The following KIF26B variants were observed in gnomAD, a reference collection of about 807,000 sequenced individuals.
KIF26B encodes kinesin-like protein KIF26B.
Under a neutral mutation model 151.2 loss-of-function variants are expected in KIF26B, and 63 were observed. That is an observed-to-expected ratio of 0.42 (90% CI 0.34 to 0.51). The LOEUF (loss-of-function observed/expected upper bound fraction) is 0.51, where lower values mean the gene tolerates loss of function less well. Ranked by LOEUF, KIF26B falls within the 20% of genes least tolerant of loss-of-function variation. The pLI is 0.07. For synonymous variants in KIF26B, 1,357 were observed against 1,262.1 expected (o/e 1.08, Z -1.59); for missense variants, 2,813 against 2,913.6 (o/e 0.97, Z 0.79).
intron 10 of KIF26B, among the ~76,000 whole-genome samples, chr1:245,651,384 A>T (rs2044013813): frequency 6.6e-6 from 1 of 152,230 alleles, no homozygotes; most frequent in African/African-American, 2.4e-5. Flanking sequence ...CACTTGTGGC[A>T]GCAGGCCCAG....
chr1:245,699,304 T>C (rs979047370), intron 14 of KIF26B, among the ~76,000 whole-genome samples: 1 of 152,110 alleles, frequency 6.6e-6, no homozygotes, highest in Non-Finnish European at 1.5e-5. Flanking sequence ...AAATGAGATT[T>C]TTCCCCCTGC....
chr1:245,489,013 TCC>T (rs1660341201), intron 4 of KIF26B, among the ~76,000 whole-genome samples: 1 of 152,218 alleles, frequency 6.6e-6, no homozygotes, highest in Non-Finnish European at 1.5e-5. Context: ...TACTCTAGAA[TCC>T]CTTACAGTGG....
At chr1:245,351,209 C>G (rs74153547) in intron 2 of KIF26B, among the ~76,000 whole-genome samples, 18,057 of 152,198 alleles carry the variant, frequency 0.12, 2,772 homozygotes, top group African/African-American at 0.34. Flanking sequence ...TTCATACTTT[C>G]ATCTTTGCCT....
intron 2 of KIF26B, among the ~76,000 whole-genome samples, chr1:245,184,975 A>G (rs753531725): frequency 6.6e-6 from 1 of 152,188 alleles, no homozygotes; most frequent in Non-Finnish European, 1.5e-5. Flanking sequence ...AGCCCAGTAC[A>G]ATGGGAGATC....
intron 5 of KIF26B, among the ~76,000 whole-genome samples, chr1:245,590,607 T>A (rs1301420828): frequency 6.6e-6 from 1 of 152,128 alleles, no homozygotes; most frequent in Non-Finnish European, 1.5e-5. Context: ...AACCCGCGTC[T>A]ATAAAAACTG....
intron 2 of KIF26B, among the ~76,000 whole-genome samples, chr1:245,212,764 A>G (rs1428022197): frequency 6.6e-6 from 1 of 152,230 alleles, no homozygotes; most frequent in African/African-American, 2.4e-5. Flanking sequence ...GAACCGCCCC[A>G]CTTTACCATT....
chr1:245,222,938 A>G (rs1669803830), intron 2 of KIF26B, among the ~76,000 whole-genome samples: 1 of 152,228 alleles, frequency 6.6e-6, no homozygotes, highest in Non-Finnish European at 1.5e-5. Context: ...CTGTATGCCC[A>G]TCATCTTGTT....
chr1:245,549,212 A>C (rs909757068), intron 5 of KIF26B, among the ~76,000 whole-genome samples: 14 of 152,308 alleles, frequency 9.2e-5, no homozygotes, highest in African/African-American at 2.9e-4. Context: ...CTTTATCATA[A>C]TTGGTGGACA....
chr1:245,226,445 G>T (rs1044557634), intron 2 of KIF26B, among the ~76,000 whole-genome samples: 1 of 151,946 alleles, frequency 6.6e-6, no homozygotes, highest in Admixed American at 6.6e-5. Flanking sequence ...GTATTCTTGT[G>T]GAGGGTGCAC....
At chr1:245,438,103 A>G (rs773623830) in intron 4 of KIF26B, among the ~76,000 whole-genome samples, 7 of 152,250 alleles carry the variant, frequency 4.6e-5, no homozygotes, top group Non-Finnish European at 1.0e-4. Flanking sequence ...GTTCTGAGCC[A>G]TAAATCCTTT....
chr1:245,688,465 G>T lies in KIF26B; in HGVS notation c.5482G>T (p.Glu1828Ter). ...ARGLQLRAGP[E>*]AEARGGALAE... ...GGGCTTGCAGCTGCGGGCCGGGCCC[G>T]AGGCGGAGGCGCGCGGGGGGGCCCT... Residue 1828 changes from glutamate to a stop codon, truncating the protein, a stop_gained, in exon 12 of 15, where the codon GAG becomes TAG. Transcript: ENST00000407071. LOFTEE classifies it high-confidence loss of function. 7.3e-7 allele frequency: 1 copy of T among 1,370,860 alleles called. No homozygotes were observed. Among genetic ancestry groups the T allele is most frequent in the Non-Finnish European group, 9.3e-7 (1 of 1,073,518 alleles). The allele number at this position is 1,370,860 out of a possible 1,614,324, so 84.9% of individuals were successfully genotyped here.
At chr1:245,407,370 C>A in intron 3 of KIF26B, among the ~76,000 whole-genome samples, 1 of 152,188 alleles carries the variant, frequency 6.6e-6, no homozygotes, top group East Asian at 1.9e-4. Context: ...CTCAAACTGA[C>A]TGAGATGAAC....
rs146056172 is a variant in KIF26B, at chr1:245,607,777, G to A, written c.1651+33G>A. 709 of 1,537,312 alleles carry A rather than the reference G, an allele frequency of 4.6e-4. 4 individuals carry two copies. In the African/African-American group the frequency reaches 8.1e-3, roughly 18 times the overall value. On this transcript the variant is annotated intron_variant, in intron 7 of 14. Transcript: ENST00000407071. Reference sequence around the variant, plus strand: ...AGAGTTTCACTTTCTCATGCGGCTCGTTGAGCTCCCTGTCATCCCATGCAT... The same window carrying A: ...AGAGTTTCACTTTCTCATGCGGCTCATTGAGCTCCCTGTCATCCCATGCAT...
In KIF26B at chr1:245,241,470, A is replaced by T. The variant is rs1230338649; in HGVS notation, c.465+84787A>T. 1.3e-5 allele frequency among the ~76,000 whole-genome samples: 2 copies of T among 152,192 alleles called. No homozygotes were observed. The highest frequency in any genetic ancestry group is 4.8e-5 in the African/African-American group (2 of 41,450). ...CAGCTGGCACTGCTGTGTTCAGAGCATGGGAGGAAGCAGCAGCAGCAGAAT... is the reference window on the plus strand; with the variant it reads ...CAGCTGGCACTGCTGTGTTCAGAGCTTGGGAGGAAGCAGCAGCAGCAGAAT... On this transcript the variant is annotated intron_variant, in intron 2 of 14. Coordinates refer to ENST00000407071, the MANE Select transcript of KIF26B (RefSeq NM_018012.4). This position sits in a 1 kb window ranked among gnomAD's most constrained non-coding sequence, Gnocchi z 5.0.
intron 2 of KIF26B, among the ~76,000 whole-genome samples, chr1:245,329,701 T>A (rs1466893730): frequency 6.6e-6 from 1 of 152,214 alleles, no homozygotes; most frequent in Non-Finnish European, 1.5e-5. Flanking sequence ...CATGTGTACC[T>A]TGAAGGTTTG....
chr1:245,577,499 G>A (rs929128853), intron 5 of KIF26B, among the ~76,000 whole-genome samples: 1 of 152,238 alleles, frequency 6.6e-6, no homozygotes, highest in Non-Finnish European at 1.5e-5. Flanking sequence ...AGACAAAAGA[G>A]CCAACAGCAT....
At chr1:245,665,231 G>A (rs1035346186) in intron 10 of KIF26B, among the ~76,000 whole-genome samples, 1 of 152,172 alleles carries the variant, frequency 6.6e-6, no homozygotes, top group African/African-American at 2.4e-5. Flanking sequence ...GGCTTCAGAG[G>A]CTGAGCTTTT....
chr1:245,267,634 GCACA>G (rs66498609), intron 2 of KIF26B, among the ~76,000 whole-genome samples: 3,357 of 136,202 alleles, frequency 0.025, 47 homozygotes, highest in East Asian at 0.054. Context: ...GCTAAGTAAT[GCACA>G]CACACACACA....
intron 2 of KIF26B, among the ~76,000 whole-genome samples, chr1:245,343,424 C>T (rs1672376988): frequency 6.6e-6 from 1 of 151,942 alleles, no homozygotes; most frequent in South Asian, 2.1e-4. Context: ...TCTGCCTCTG[C>T]TCTGCCAGGG....
Sources: allele counts gnomAD v4.1 joint callset (sites outside exome capture counted in the v4.1 genomes callset), GRCh38; gene constraint gnomAD v4.1.1; non-coding constraint Gnocchi (gnomAD v3.1); transcripts MANE v1.5; gene names NCBI Gene and HGNC (gene_info 2026-07-23, HGNC 2026-07-21).